TIAM1: variants seen among roughly 807,000 people sequenced by gnomAD.
TIAM1 encodes the protein rho guanine nucleotide exchange factor TIAM1.
Under a neutral mutation model 163.5 loss-of-function variants are expected in TIAM1, and 65 were observed. The ratio of observed to expected loss-of-function variants is 0.40; its 90% CI spans 0.33 to 0.49. TIAM1 has a LOEUF of 0.49. TIAM1 is among the 20% of genes least tolerant of loss of function. The pLI is 0.77. For synonymous variants in TIAM1, 833 were observed against 810.1 expected (o/e 1.03, Z -0.48); for missense variants, 1,789 against 2,044.7 (o/e 0.87, Z 2.41).
At chr21:31,353,826 T>TC (rs2076271923) in intron 2 of TIAM1, among the ~76,000 whole-genome samples, 2 of 121,852 alleles carry the variant, frequency 1.6e-5, no homozygotes, top group Non-Finnish European at 3.3e-5. Context: ...TATTTATTTA[T>TC]TTATTTATCT....
rs1270602781 is a variant in TIAM1, at chr21:31,266,528, G to A, written c.445C>T (p.Gln149Ter). ...ATYLAEGGRRQHSYTSNGPTF... is the reference protein window; with the variant it reads ...ATYLAEGGRR ...GGCCCATTGGATGTATAGGAATGCT[G>A]CCTCCTGCCTCCCTCAGCCAAATAT... Residue 149 changes from glutamine to a stop codon, truncating the protein, a stop_gained, in exon 4 of 28, where the codon CAG becomes TAG. Coordinates refer to ENST00000541036, the MANE Select transcript of TIAM1 (RefSeq NM_001353694.2). LOFTEE classifies it high-confidence loss of function. 6.2e-7 allele frequency: 1 copy of A among 1,614,136 alleles called. No homozygotes were observed. Among genetic ancestry groups the A allele is most frequent in the South Asian group, 1.1e-5 (1 of 91,082 alleles).
intron 9 of TIAM1, among the ~76,000 whole-genome samples, chr21:31,216,226 C>G (rs145317106): frequency 2.4e-4 from 37 of 152,282 alleles, no homozygotes; most frequent in South Asian, 2.1e-3. Flanking sequence ...CTAAGGGACT[C>G]AGGGCATCAG....
At chr21:31,299,540 T>A (rs2146950577) in intron 2 of TIAM1, among the ~76,000 whole-genome samples, 1 of 152,350 alleles carries the variant, frequency 6.6e-6, no homozygotes, top group Non-Finnish European at 1.5e-5. Flanking sequence ...TTATTAATCT[T>A]GAAATCTGAA....
At chr21:31,210,750 G>GAAAGA (rs1569034307) in intron 10 of TIAM1, among the ~76,000 whole-genome samples, 3 of 60,024 alleles carry the variant, frequency 5.0e-5, no homozygotes, top group Middle Eastern at 7.5e-3. Context: ...AAGGAAGGGA[G>GAAAGA]AAAGAAAGAA....
At chr21:31,179,700 T>C (rs1856660415) in intron 15 of TIAM1, among the ~76,000 whole-genome samples, 1 of 152,064 alleles carries the variant, frequency 6.6e-6, no homozygotes, top group Non-Finnish European at 1.5e-5. Flanking sequence ...GTTGTTTAGT[T>C]TAAAACTCCA....
Position 31,131,204 on chromosome 21 carries a change from C to A in TIAM1, c.3884-256G>T, listed in dbSNP as rs531912009. ...TAACCTATGGCCCAAAAAACTTTTG[C>A]GTAAAATATGTTAGGTATGATACAA... On this transcript the variant is annotated intron_variant, in intron 23 of 27. Transcript: ENST00000541036. 1.2e-3 allele frequency among the ~76,000 whole-genome samples: 178 copies of A among 152,154 alleles called. 1 individual carries two copies. Among genetic ancestry groups the A allele is most frequent in the African/African-American group, 4.1e-3 (172 of 41,486 alleles).
intron 2 of TIAM1, among the ~76,000 whole-genome samples, chr21:31,444,342 TA>T (rs5843518): frequency 0.82 from 124,041 of 151,444 alleles, 51,159 homozygotes; most frequent in East Asian, 0.92. Flanking sequence ...GATTTAAAAA[TA>T]AAATCAGTAA....
intron 10 of TIAM1, among the ~76,000 whole-genome samples, chr21:31,212,354 T>A (rs2086926655): frequency 6.6e-6 from 1 of 152,092 alleles, no homozygotes; most frequent in Non-Finnish European, 1.5e-5. Flanking sequence ...TTCTGTCATA[T>A]TGATTCTGAG....
chr21:31,123,182 G>C (rs904187705), intron 27 of TIAM1, among the ~76,000 whole-genome samples: 1 of 152,212 alleles, frequency 6.6e-6, no homozygotes, highest in Non-Finnish European at 1.5e-5. Flanking sequence ...ACCATGCTTA[G>C]TTTCAAAGTA....
intron 2 of TIAM1, among the ~76,000 whole-genome samples, chr21:31,352,649 C>T (rs1362945369): frequency 2.0e-5 from 3 of 150,636 alleles, no homozygotes; most frequent in Non-Finnish European, 4.4e-5. Flanking sequence ...GTCAGGAGTT[C>T]AAGACCAGCC....
chr21:31,205,483 G>A (rs1055835743), intron 11 of TIAM1, among the ~76,000 whole-genome samples: 5 of 152,220 alleles, frequency 3.3e-5, no homozygotes, highest in African/African-American at 1.2e-4. Flanking sequence ...CAGTGTGAGA[G>A]ACAGCCCACT....
intron 1 of TIAM1, among the ~76,000 whole-genome samples, chr21:31,504,429 T>C (rs2046962658): frequency 6.6e-6 from 1 of 152,230 alleles, no homozygotes; most frequent in Non-Finnish European, 1.5e-5. Context: ...GTTCGCTACC[T>C]GGCAATTTCA....
In TIAM1 at chr21:31,301,905, G is replaced by A. The variant is rs185031624; in HGVS notation, c.-188-24997C>T. ...TATATAATATATATAAAATGTGTGTGTATATATACGTGTAATAAATAAAAT... is the reference window on the plus strand; with the variant it reads ...TATATAATATATATAAAATGTGTGTATATATATACGTGTAATAAATAAAAT... On this transcript the variant is annotated intron_variant, in intron 2 of 27. Coordinates refer to ENST00000541036, the MANE Select transcript of TIAM1 (RefSeq NM_001353694.2). Among the ~76,000 whole-genome samples the A allele has an allele frequency of 3.8e-3, 571 of 148,588 alleles. 4 individuals are homozygous for A. The highest frequency in any genetic ancestry group is 0.013 in the African/African-American group (533 of 40,832).
chr21:31,362,493 G>T (rs948710561), intron 2 of TIAM1, among the ~76,000 whole-genome samples: 1 of 143,770 alleles, frequency 7.0e-6, no homozygotes, highest in Non-Finnish European at 1.5e-5. Flanking sequence ...TTGAGAAAAG[G>T]TCTCGCTTTG....
intron 2 of TIAM1, among the ~76,000 whole-genome samples, chr21:31,408,545 T>C (rs2077288188): frequency 1.3e-5 from 2 of 152,212 alleles, no homozygotes; most frequent in Admixed American, 1.3e-4. Flanking sequence ...GCAGAGGAAT[T>C]AGATTTTAAT....
chr21:31,245,587 G>A lies in TIAM1; in HGVS notation c.1485C>T (p.Val495=). The A allele has an allele frequency of 1.9e-6, 3 of 1,608,726 alleles. No homozygotes were observed. Among genetic ancestry groups the A allele is most frequent in the Non-Finnish European group, 2.5e-6 (3 of 1,177,682 alleles). Residue 495 remains valine, a synonymous_variant, in exon 6 of 28, where the codon GTC becomes GTT. Transcript: ENST00000541036. The part of the protein sequence containing the change: ...IDHNSIPKHA[V]WVENSIVQAV... ...CCTGCACAATGCTGTTCTCCACCCA[G>A]ACGGCGTGTTTGGGGATGCTGTTGT...
At chr21:31,331,333 G>T (rs913203214) in intron 2 of TIAM1, among the ~76,000 whole-genome samples, 2 of 152,098 alleles carry the variant, frequency 1.3e-5, no homozygotes, top group Admixed American at 6.5e-5. Flanking sequence ...AGGCAGATAG[G>T]TTCATCCTTT....
At chr21:31,286,129 T>C (rs907915586) in intron 2 of TIAM1, among the ~76,000 whole-genome samples, 1 of 152,244 alleles carries the variant, frequency 6.6e-6, no homozygotes, top group African/African-American at 2.4e-5. Context: ...GCACCATTGC[T>C]AGGGGGATAT....
chr21:31,408,569 A>C (rs192516221), intron 2 of TIAM1, among the ~76,000 whole-genome samples: 1 of 152,266 alleles, frequency 6.6e-6, no homozygotes, highest in Non-Finnish European at 1.5e-5. Context: ...AGTCTCCACT[A>C]TCATGCTATT....
Sources: gnomAD v4.1 joint callset for allele counts (sites outside exome capture counted in the v4.1 genomes callset) on GRCh38, gnomAD v4.1.1 for gene constraint, MANE v1.5 for transcripts, NCBI Gene and HGNC (gene_info 2026-07-23, HGNC 2026-07-21) for gene names.